The following CCDC88A variants were observed in gnomAD, a reference collection of about 807,000 sequenced individuals.
CCDC88A encodes the protein girdin.
A neutral mutation model predicts 234.3 loss-of-function variants in CCDC88A; 54 were observed. The ratio of observed to expected loss-of-function variants is 0.23; its 90% confidence interval spans 0.19 to 0.29. CCDC88A has a LOEUF of 0.29. Ranked by LOEUF, CCDC88A falls within the 10% of genes least tolerant of loss-of-function variation. The pLI is 1.00. For missense variants in CCDC88A, 1,832 were observed against 2,123.4 expected, an observed-to-expected ratio of 0.86 and a Z score of 2.70; for synonymous variants, 753 against 737.8, an observed-to-expected ratio of 1.02 and a Z score of -0.33.
intron 3 of CCDC88A, among the ~76,000 whole-genome samples, chr2:55,386,843 T>G (rs573695966): frequency 2.0e-5 from 3 of 152,068 alleles, no homozygotes; most frequent in South Asian, 4.1e-4. Context: ...TAAAGGCATT[T>G]TCAGACAAAT....
chr2:55,370,379 A>C (rs1290416427), intron 5 of CCDC88A, among the ~76,000 whole-genome samples: 2 of 152,040 alleles, frequency 1.3e-5, no homozygotes, highest in African/African-American at 4.8e-5. Flanking sequence ...TGATGACTCA[A>C]GCCTGTAATC....
chr2:55,315,034 C>T (rs1007864387), intron 22 of CCDC88A: 12 of 152,160 alleles, frequency 7.9e-5, no homozygotes, highest in African/African-American at 2.9e-4. Context: ...GTTTTCTGGA[C>T]CACCAGTGAC....
In CCDC88A at chr2:55,328,549, G is replaced by C. The variant is rs1238833880; in HGVS notation, c.2856-114C>G. ...AAATGGGTCTTATAAAAGCATTTTTGTTAAAGAGGCAAATGAAATTATCCT... is the reference window on the plus strand; with the variant it reads ...AAATGGGTCTTATAAAAGCATTTTTCTTAAAGAGGCAAATGAAATTATCCT... On this transcript the variant is annotated intron_variant, in intron 16 of 32. Transcript: ENST00000436346. This position sits in a 1 kb window ranked among gnomAD's most constrained non-coding sequence, Gnocchi z 4.3. 3.1e-6 allele frequency: 2 copies of C among 650,386 alleles called. No individual in the cohort carries two copies. The highest frequency in any genetic ancestry group is 3.8e-5 in the African/African-American group (2 of 52,032). 40.3% of individuals were successfully genotyped at this position (650,386 alleles called of 1,614,324 possible). A position where few individuals can be genotyped will look rare whatever the true frequency, so the allele number is the denominator to read the frequency against.
At chr2:55,312,705 T>C (rs1240261915) in intron 22 of CCDC88A, 126 bp from the exon 23 acceptor site, 2 of 663,000 alleles carry the variant, frequency 3.0e-6, no homozygotes, top group Non-Finnish European at 5.1e-6. Context: ...GATTGTACTT[T>C]TATCAGAGCA....
At chr2:55,339,229 G>C in intron 13 of CCDC88A, 1 of 391,706 alleles carries the variant, frequency 2.6e-6, no homozygotes, top group Non-Finnish European at 4.4e-6. Flanking sequence ...AAAGTGCTGG[G>C]ATTACAGGCG....
intron 5 of CCDC88A, among the ~76,000 whole-genome samples, chr2:55,372,000 T>G (rs763171856): frequency 1.2e-4 from 18 of 152,240 alleles, no homozygotes; most frequent in Non-Finnish European, 2.1e-4. Context: ...ATAAACAAGA[T>G]TCCTAAAACA....
Position 55,335,211 on chromosome 2 carries a change from A to C in CCDC88A, c.1657-47T>G, listed in dbSNP as rs528048206. The C allele has an allele frequency of 1.6e-6, 2 of 1,228,704 alleles. No individual in the cohort carries two copies. The highest frequency in any genetic ancestry group is 5.5e-5 in the Admixed American group (2 of 36,366). The allele number at this position is 1,228,704 out of a possible 1,614,324, so 76.1% of individuals were successfully genotyped here. On this transcript the variant is annotated intron_variant, in intron 14 of 32. Transcript: ENST00000436346. This position sits in a 1 kb window ranked among gnomAD's most constrained non-coding sequence, Gnocchi z 4.5. ...TAAAAGCTGTAATTGAGGAAAAACT[A>C]ACTATGGTTTATCTCTTCCAAAAAC...
chr2:55,390,955 T>C (rs1030447287), intron 2 of CCDC88A, among the ~76,000 whole-genome samples: 9 of 152,128 alleles, frequency 5.9e-5, no homozygotes, highest in South Asian at 2.1e-4. Flanking sequence ...GCCTGGGCAA[T>C]ATGGTGGAAG....
chr2:55,383,629 A>C (rs1674977676), intron 3 of CCDC88A, among the ~76,000 whole-genome samples: 1 of 151,580 alleles, frequency 6.6e-6, no homozygotes, highest in East Asian at 1.9e-4. Context: ...TCTTAAAAAA[A>C]AAAAAAAAAG....
At chr2:55,376,769 G>A (rs1209254202) in intron 3 of CCDC88A, among the ~76,000 whole-genome samples, 1 of 152,170 alleles carries the variant, frequency 6.6e-6, no homozygotes, top group Non-Finnish European at 1.5e-5. Flanking sequence ...GTTATCTCAA[G>A]AGAGAATATG....
At chr2:55,388,439 G>GT (rs368526327) in intron 3 of CCDC88A, 27 of 60,250 alleles carry the variant, frequency 4.5e-4, no homozygotes, top group East Asian at 3.9e-3. Context: ...TCCAATTCAG[G>GT]TTTTTTTTTT....
At chr2:55,391,065 T>C (rs886449233) in intron 2 of CCDC88A, among the ~76,000 whole-genome samples, 1 of 152,050 alleles carries the variant, frequency 6.6e-6, no homozygotes, top group Non-Finnish European at 1.5e-5. Flanking sequence ...TAAGCAAAGA[T>C]CAAATACAAG....
chr2:55,295,566 T>C (rs1264600751), intron 31 of CCDC88A, 31 bp downstream of exon 31: 6 of 1,614,122 alleles, frequency 3.7e-6, no homozygotes, highest in Admixed American at 3.3e-5. Flanking sequence ...GTCAAGTATA[T>C]GAGAGGACCA....
intron 2 of CCDC88A, chr2:55,418,364 G>C (rs1315328070): frequency 1.2e-5 from 2 of 161,792 alleles, no homozygotes; most frequent in African/African-American, 4.8e-5. Context: ...TTTCTCTTCT[G>C]AAATCTGCTA....
Position 55,317,574 on chromosome 2 carries a change from G to T in CCDC88A, c.3592C>A (p.Leu1198Ile). Residue 1198 changes from leucine (L) to isoleucine (I), a missense_variant, in exon 20 of 33, where the codon CTT becomes ATT. Physicochemically the swap from Leu to Ile is conservative, Grantham distance 5. Coordinates refer to ENST00000436346, the MANE Select transcript of CCDC88A (RefSeq NM_001365480.1). This position sits in a 1 kb window ranked among gnomAD's most constrained non-coding sequence, Gnocchi z 4.2. ...HKNLEVEHRD[L>I]EDRYNQLLKQ... ...AATATAATAAATTACCGGTCTTCAA[G>T]GTCTCTATGTTCCACCTCAAGATTT... 1 of 1,557,966 alleles carries T rather than the reference G, an allele frequency of 6.4e-7. No individual in the cohort carries two copies. Among genetic ancestry groups the T allele is most frequent in the South Asian group, 1.2e-5 (1 of 81,604 alleles).
chr2:55,343,698 T>C lies in CCDC88A; in HGVS notation c.1283A>G (p.His428Arg). ...AQKQSMDESLHLGWELEQISR... is the reference protein window; with the variant it reads ...AQKQSMDESLRLGWELEQISR... ...TATCTGTTCCAGTTCCCAGCCAAGA[T>C]GTAATGATTCATCCATACTTTGTTT... is the stretch of plus-strand genomic sequence containing the variant. Residue 428 changes from histidine (H) to arginine (R), a missense_variant, in exon 12 of 33, where the codon CAT (histidine) becomes CGT (arginine). By Grantham distance (29) the His-to-Arg change is conservative. Coordinates refer to ENST00000436346, the MANE Select transcript of CCDC88A (RefSeq NM_001365480.1). 2 of 1,612,226 alleles carry C rather than the reference T, an allele frequency of 1.2e-6. No individual in the cohort carries two copies. The highest frequency in any genetic ancestry group is 1.1e-5 in the South Asian group (1 of 90,692).
chr2:55,313,961 A>G (rs561299712), intron 22 of CCDC88A: 1 of 152,348 alleles, frequency 6.6e-6, no homozygotes, highest in South Asian at 2.1e-4. Flanking sequence ...CCCTCTTGCA[A>G]TGTGACTTCT....
intron 2 of CCDC88A, among the ~76,000 whole-genome samples, chr2:55,409,957 T>C (rs2104980006): frequency 6.6e-6 from 1 of 152,046 alleles, no homozygotes; most frequent in South Asian, 2.1e-4. Context: ...GCCAGGCTGA[T>C]CTTGAACTCC....
intron 3 of CCDC88A, among the ~76,000 whole-genome samples, chr2:55,382,750 C>T (rs2104861985): frequency 6.6e-6 from 1 of 152,246 alleles, no homozygotes; most frequent in South Asian, 2.1e-4. Context: ...TCTGAATTGC[C>T]ATTTAACCAT....
Sources: allele counts gnomAD v4.1 joint callset (sites outside exome capture counted in the v4.1 genomes callset), GRCh38; gene constraint gnomAD v4.1.1; non-coding constraint Gnocchi (gnomAD v3.1); transcripts MANE v1.5; gene names NCBI Gene and HGNC (gene_info 2026-07-23, HGNC 2026-07-21).